PPP3CA: variants seen among roughly 807,000 people sequenced by gnomAD.
PPP3CA encodes protein phosphatase 3 catalytic subunit alpha.
Under a neutral mutation model 66.5 loss-of-function variants are expected in PPP3CA, and 14 were observed. The ratio of observed to expected loss-of-function variants is 0.21; its 90% CI spans 0.14 to 0.33. PPP3CA has a LOEUF of 0.33. Ranked by LOEUF, PPP3CA falls within the 10% of genes least tolerant of loss-of-function variation. The pLI, the probability that PPP3CA is intolerant of heterozygous loss-of-function variation, is 1.00. For synonymous variants in PPP3CA, 232 were observed against 226.2 expected, an observed-to-expected ratio of 1.03 and a Z score of -0.23; for missense variants, 317 against 639.5, an observed-to-expected ratio of 0.50 and a Z score of 5.44.
rs55721209 is a variant in PPP3CA, at chr4:101,269,553, C to CGTGTGTGTGTGTGT, written c.59-73451_59-73438dup. Among the ~76,000 whole-genome samples the CGTGTGTGTGTGTGT allele has an allele frequency of 2.5e-4, 34 of 135,980 alleles. 1 individual carries two copies. The highest frequency in any genetic ancestry group is 3.9e-3 in the Middle Eastern group (1 of 258). 89.2% of individuals were successfully genotyped at this position (135,980 alleles called of 152,430 possible). On this transcript the variant is annotated intron_variant, in intron 1 of 13. Transcript: ENST00000394854. ...ACATAAGCTCCATACAAACAAGGAA[C>CGTGTGTGTGTGTGT]GTGTGTGTGTGTGTGTGTGTGTGTG...
At position 101,341,208 on chromosome 4, in the gene PPP3CA, C is replaced by T. The variant is rs76929679; in HGVS notation, c.58+5531G>A. ...GTGGCCATTTTCTTTTTTTCTTTTT[C>T]TTTTTTTTTTTTTTAAGAGATATGG... On this transcript the variant is annotated intron_variant, in intron 1 of 13. Transcript: ENST00000394854. Among the ~76,000 whole-genome samples, 23 of 134,860 alleles carry T rather than the reference C, an allele frequency of 1.7e-4. 1 individual carries two copies. Among genetic ancestry groups the T allele is most frequent in the South Asian group, 1.3e-3 (6 of 4,504 alleles). 88.5% of individuals were successfully genotyped at this position (134,860 alleles called of 152,430 possible).
chr4:101,345,854 G>A (rs989269623), intron 1 of PPP3CA, among the ~76,000 whole-genome samples: 7 of 152,246 alleles, frequency 4.6e-5, no homozygotes, highest in Admixed American at 2.0e-4. Context: ...CAAAAAGGAT[G>A]CCAGGGCACG....
chr4:101,314,535 G>A lies in PPP3CA; in HGVS notation c.58+32204C>T, dbSNP rs1042876246. On this transcript the variant is annotated intron_variant, in intron 1 of 13. Coordinates refer to ENST00000394854, the MANE Select transcript of PPP3CA (RefSeq NM_000944.5). ...GCAGAGATCGCGCCACTGCACTCCA[G>A]CCTGGGTGACAGAGCAAGACTCCAT... Among the ~76,000 whole-genome samples the A allele has an allele frequency of 3.1e-5, 4 of 127,740 alleles. No homozygotes were observed. In the South Asian group the frequency reaches 7.4e-4, roughly 24 times the overall value. 83.8% of individuals were successfully genotyped at this position (127,740 alleles called of 152,430 possible).
intron 1 of PPP3CA, among the ~76,000 whole-genome samples, chr4:101,209,325 G>C (rs1278910177): frequency 1.3e-5 from 2 of 152,052 alleles, no homozygotes; most frequent in Non-Finnish European, 2.9e-5. Context: ...AGTTTTACTA[G>C]AGCAATTTCC....
Position 101,029,212 on chromosome 4 carries a change from G to A in PPP3CA, c.1340-17C>T. ...CAACAGTAGCTGAAGAGAAGAAAGGGGGTGCAAAATGAATGAGAAAAATGA... is the reference window on the plus strand; with the variant it reads ...CAACAGTAGCTGAAGAGAAGAAAGGAGGTGCAAAATGAATGAGAAAAATGA... On this transcript the variant is annotated splice_polypyrimidine_tract_variant and intron_variant, in intron 12 of 13. Transcript: ENST00000394854. The A allele has an allele frequency of 6.2e-7, 1 of 1,604,994 alleles. No individual in the cohort carries two copies. The highest frequency in any genetic ancestry group is 1.1e-5 in the South Asian group (1 of 90,850).
intron 1 of PPP3CA, among the ~76,000 whole-genome samples, chr4:101,233,442 G>A (rs1726028374): frequency 6.6e-6 from 1 of 151,744 alleles, no homozygotes; most frequent in African/African-American, 2.4e-5. Flanking sequence ...TTTAAAGAGA[G>A]AATAAATGCA....
rs1012483786 is a variant in PPP3CA at position 101,347,006 on chromosome 4, C to G, written c.-210G>C. 27 of 604,416 alleles carry G rather than the reference C, an allele frequency of 4.5e-5. No homozygotes were observed. The African/African-American group carries it at 4.7e-4, about 11-fold the overall frequency. 37.4% of individuals were successfully genotyped at this position (604,416 alleles called of 1,614,324 possible). Reference sequence around the variant, plus strand: ...CGCCGCCGCCGCCTTCACTCCTCCTCCGCCGCTGCCGCCAGCCCCGCCGAC... The same window carrying G: ...CGCCGCCGCCGCCTTCACTCCTCCTGCGCCGCTGCCGCCAGCCCCGCCGAC... On this transcript the variant is annotated 5_prime_UTR_variant, in exon 1 of 14. Transcript: ENST00000394854.
intron 6 of PPP3CA, among the ~76,000 whole-genome samples, chr4:101,083,668 G>A (rs976403388): frequency 3.3e-5 from 5 of 152,176 alleles, no homozygotes; most frequent in African/African-American, 1.2e-4. Context: ...ATGTGTGCAT[G>A]TATGTGTATA....
chr4:101,134,622 C>T (rs2110285843), intron 2 of PPP3CA, among the ~76,000 whole-genome samples: 1 of 152,302 alleles, frequency 6.6e-6, no homozygotes, highest in Non-Finnish European at 1.5e-5. Context: ...AGATTTTGCA[C>T]TGTTGGTGGG....
intron 1 of PPP3CA, among the ~76,000 whole-genome samples, chr4:101,314,128 G>C (rs183126392): frequency 1.9e-3 from 295 of 152,274 alleles, no homozygotes; most frequent in African/African-American, 7.0e-3. Context: ...AAAACTGGGA[G>C]GCAATCCAGA....
At chr4:101,159,972 G>C (rs958604237) in intron 2 of PPP3CA, among the ~76,000 whole-genome samples, 9 of 152,030 alleles carry the variant, frequency 5.9e-5, no homozygotes, top group Admixed American at 1.3e-4. Context: ...AAAATATTCT[G>C]TCTGATTCTT....
chr4:101,193,257 G>T (rs1262211729), intron 2 of PPP3CA, among the ~76,000 whole-genome samples: 1 of 152,060 alleles, frequency 6.6e-6, no homozygotes, highest in Non-Finnish European at 1.5e-5. Context: ...CATTAAATTG[G>T]ATCACCAAAA....
chr4:101,199,674 G>T (rs1724909013), intron 1 of PPP3CA, among the ~76,000 whole-genome samples: 1 of 152,146 alleles, frequency 6.6e-6, no homozygotes, highest in African/African-American at 2.4e-5. Context: ...ATCACAGAAG[G>T]CTTTAAAGGC....
chr4:101,304,806 T>C (rs1728484534), intron 1 of PPP3CA, among the ~76,000 whole-genome samples: 1 of 152,226 alleles, frequency 6.6e-6, no homozygotes, highest in Non-Finnish European at 1.5e-5. Context: ...TCTCTTGACC[T>C]GACATTTCTT....
At chr4:101,146,064 A>T (rs1177388802) in intron 2 of PPP3CA, among the ~76,000 whole-genome samples, 2 of 152,250 alleles carry the variant, frequency 1.3e-5, no homozygotes, top group African/African-American at 2.4e-5. Context: ...ATCGAAATTT[A>T]GAATAGTTTA....
chr4:101,284,572 C>T (rs1727778447), intron 1 of PPP3CA, among the ~76,000 whole-genome samples: 1 of 152,018 alleles, frequency 6.6e-6, no homozygotes, highest in Admixed American at 6.6e-5. Flanking sequence ...CTCATGATTA[C>T]ACAAGTAACA....
At chr4:101,314,569 C>CAAAAAA (rs748980814) in intron 1 of PPP3CA, among the ~76,000 whole-genome samples, 46 of 75,214 alleles carry the variant, frequency 6.1e-4, no homozygotes, top group East Asian at 1.7e-3. Context: ...ATCTCAAAAC[C>CAAAAAA]AAAAAAAAAA....
rs529957188 is a variant in PPP3CA, at chr4:101,098,815, T to C, written c.497-303A>G. 6.2e-4 allele frequency among the ~76,000 whole-genome samples: 94 copies of C among 152,232 alleles called. 1 individual carries two copies. Among genetic ancestry groups the C allele is most frequent in the African/African-American group, 2.2e-3 (92 of 41,552 alleles). ...CTGCAGACGTCTCACCAAAAAAATG[T>C]ACATGAACAACTGGAAGACCAATAG... On this transcript the variant is annotated intron_variant, in intron 4 of 13. Transcript: ENST00000394854.
intron 3 of PPP3CA, among the ~76,000 whole-genome samples, 199 bp from the exon 4 acceptor site, chr4:101,099,921 C>G (rs1730366091): frequency 6.6e-6 from 1 of 151,692 alleles, no homozygotes. Flanking sequence ...CCATCTACAC[C>G]TAAAACATAC....
Sources: gnomAD v4.1 joint callset for allele counts (sites outside exome capture counted in the v4.1 genomes callset) on GRCh38, gnomAD v4.1.1 for gene constraint, MANE v1.5 for transcripts, NCBI Gene and HGNC (gene_info 2026-07-23, HGNC 2026-07-21) for gene names.